The following CTNNA2 variants were observed in gnomAD, a reference collection of about 807,000 sequenced individuals.
CTNNA2 encodes the protein catenin alpha 2, also known as catenin alpha-2.
Under a neutral mutation model 101.0 loss-of-function variants are expected in CTNNA2, and 42 were observed. That is an observed-to-expected ratio of 0.42 (90% CI 0.32 to 0.54). The LOEUF is 0.54. CTNNA2 is among the 20% of genes least tolerant of loss of function. The probability of loss-of-function intolerance (pLI) is 0.14; values close to 1 mark genes in which losing one functional copy is unlikely to be tolerated. For missense variants in CTNNA2, 871 were observed against 1,223.1 expected (o/e 0.71, Z 4.29); for synonymous variants, 450 against 456.4 (o/e 0.99, Z 0.18).
chr2:79,279,174 C>A (rs1369504129), intron 2 of CTNNA2, among the ~76,000 whole-genome samples: 2 of 152,034 alleles, frequency 1.3e-5, no homozygotes, highest in African/African-American at 4.8e-5. Context: ...TATAAAAACC[C>A]AGCCCTTCCA....
At chr2:79,243,001 C>T (rs202100463) in intron 2 of CTNNA2, among the ~76,000 whole-genome samples, 2 of 122,728 alleles carry the variant, frequency 1.6e-5, no homozygotes, top group African/African-American at 2.9e-5. Context: ...TATACACACA[C>T]ACACACACAC....
intron 7 of CTNNA2, among the ~76,000 whole-genome samples, chr2:79,959,236 C>T (rs1173871197): frequency 1.3e-5 from 2 of 152,048 alleles, no homozygotes; most frequent in Non-Finnish European, 2.9e-5. Flanking sequence ...ACCATCAGGA[C>T]AGATTTGTTA....
At chr2:80,215,575 C>G (rs1035733705) in intron 7 of CTNNA2, among the ~76,000 whole-genome samples, 1 of 152,204 alleles carries the variant, frequency 6.6e-6, no homozygotes, top group Non-Finnish European at 1.5e-5. Flanking sequence ...TGCAGAACAG[C>G]AAATATTGCA....
At chr2:79,419,440 C>A (rs1678516681) in intron 4 of CTNNA2, among the ~76,000 whole-genome samples, 1 of 151,908 alleles carries the variant, frequency 6.6e-6, no homozygotes, top group Admixed American at 6.6e-5. Flanking sequence ...TACACTAATG[C>A]AAAGTGTTAG....
At chr2:80,616,352 C>T (rs1452896037) in intron 17 of CTNNA2, 2 of 151,540 alleles carry the variant, frequency 1.3e-5, no homozygotes. Flanking sequence ...TTATTGGAGC[C>T]CCTCTTATTG....
intron 8 of CTNNA2, among the ~76,000 whole-genome samples, chr2:80,414,171 T>C (rs1679838254): frequency 6.6e-6 from 1 of 152,182 alleles, no homozygotes. Context: ...CAGGATTGAT[T>C]AGTAGTAGCT....
chr2:79,730,486 T>C (rs1413182531), intron 2 of CTNNA2, among the ~76,000 whole-genome samples: 1 of 152,046 alleles, frequency 6.6e-6, no homozygotes, highest in Non-Finnish European at 1.5e-5. Context: ...TAGGCTTGTG[T>C]TAAACTTATC....
intron 2 of CTNNA2, among the ~76,000 whole-genome samples, chr2:79,232,190 C>T (rs529753493): frequency 2.6e-4 from 39 of 152,156 alleles, no homozygotes; most frequent in South Asian, 4.2e-4. Flanking sequence ...GCTGGCTGTG[C>T]GCTTGTCATA....
chr2:79,598,956 A>G (rs1424071708), intron 1 of CTNNA2, among the ~76,000 whole-genome samples: 1 of 151,968 alleles, frequency 6.6e-6, no homozygotes, highest in Non-Finnish European at 1.5e-5. Context: ...TACATCTGTG[A>G]TCCATTTTGA....
intron 3 of CTNNA2, among the ~76,000 whole-genome samples, chr2:79,819,831 A>G (rs1474597842): frequency 1.3e-5 from 2 of 152,158 alleles, no homozygotes; most frequent in African/African-American, 4.8e-5. Context: ...AGGAAATGAT[A>G]CCACAATTAC....
At chr2:80,296,405 T>C (rs375245641) in intron 7 of CTNNA2, among the ~76,000 whole-genome samples, 3 of 152,152 alleles carry the variant, frequency 2.0e-5, no homozygotes, top group Admixed American at 6.5e-5. Context: ...AATGAGGTAT[T>C]GCTAAAGAAA....
chr2:79,902,570 G>A (rs1685135066), intron 6 of CTNNA2, among the ~76,000 whole-genome samples: 1 of 151,620 alleles, frequency 6.6e-6, no homozygotes, highest in Non-Finnish European at 1.5e-5. Context: ...AACTTCACCT[G>A]CTCTTCATCT....
chr2:79,278,822 G>A (rs973434805), intron 2 of CTNNA2, among the ~76,000 whole-genome samples: 9 of 152,084 alleles, frequency 5.9e-5, no homozygotes, highest in African/African-American at 2.2e-4. Flanking sequence ...GAAAAGAAGA[G>A]GGTAAAGAGG....
intron 2 of CTNNA2, among the ~76,000 whole-genome samples, chr2:79,713,675 T>C (rs1046100299): frequency 2.0e-5 from 3 of 152,108 alleles, no homozygotes; most frequent in South Asian, 2.1e-4. Context: ...TGGGCACCAA[T>C]AGAAAGGTAA....
chr2:79,514,939 G>C (rs1671730142), intron 1 of CTNNA2, among the ~76,000 whole-genome samples: 1 of 152,130 alleles, frequency 6.6e-6, no homozygotes, highest in African/African-American at 2.4e-5. Context: ...GCAATATGCA[G>C]TTTTGCATTT....
At chr2:79,862,927 G>A (rs1681732610) in intron 4 of CTNNA2, among the ~76,000 whole-genome samples, 1 of 152,162 alleles carries the variant, frequency 6.6e-6, no homozygotes, top group Non-Finnish European at 1.5e-5. Flanking sequence ...AAAGTCCAGA[G>A]GTAATAGCTT....
chr2:79,729,665 G>A (rs1687082076), intron 2 of CTNNA2, among the ~76,000 whole-genome samples: 1 of 152,076 alleles, frequency 6.6e-6, no homozygotes, highest in South Asian at 2.1e-4. Context: ...ATTGCAACCT[G>A]TTCATTTCCC....
At chr2:79,954,708 T>A (rs1256047177) in intron 7 of CTNNA2, among the ~76,000 whole-genome samples, 2 of 152,204 alleles carry the variant, frequency 1.3e-5, no homozygotes, top group Non-Finnish European at 2.9e-5. Flanking sequence ...GAATTCTAAG[T>A]CATATGAGTC....
At chr2:80,635,194 GTGTTAA>G (rs1672747990) in intron 18 of CTNNA2, among the ~76,000 whole-genome samples, 1 of 152,120 alleles carries the variant, frequency 6.6e-6, no homozygotes, top group African/African-American at 2.4e-5. Flanking sequence ...ATTTGAATGT[GTGTTAA>G]TGTTAGTGGT....
Sources: allele counts gnomAD v4.1 joint callset (sites outside exome capture counted in the v4.1 genomes callset), GRCh38; gene constraint gnomAD v4.1.1; transcripts MANE v1.5; gene names NCBI Gene and HGNC (gene_info 2026-07-23, HGNC 2026-07-21).